SDCCAG8: variants seen among roughly 807,000 people sequenced by gnomAD.
SDCCAG8 encodes SHH signaling and ciliogenesis regulator SDCCAG8, also known as serologically defined colon cancer antigen 8.
SDCCAG8 carries 74 observed loss-of-function variants against 101.8 expected under a neutral mutation model. The ratio of observed to expected loss-of-function variants is 0.73; its 90% CI spans 0.60 to 0.88. The LOEUF is 0.88. Ranked by LOEUF, SDCCAG8 falls within the 40% of genes least tolerant of loss-of-function variation. The probability of loss-of-function intolerance (pLI) is 0.00; values close to 1 mark genes in which losing one functional copy is unlikely to be tolerated. For synonymous variants in SDCCAG8, 281 were observed against 292.9 expected (o/e 0.96, Z 0.41); for missense variants, 787 against 822.6 (o/e 0.96, Z 0.53).
intron 2 of SDCCAG8, 25 bp downstream of exon 2, chr1:243,270,282 C>A: frequency 6.2e-7 from 1 of 1,606,230 alleles, no homozygotes; most frequent in African/African-American, 1.3e-5. Flanking sequence ...CAATCCTAGT[C>A]TGAATGATGC....
chr1:243,474,143 A>C lies in SDCCAG8; in HGVS notation c.1986-14871A>C, dbSNP rs1661858215. Among the ~76,000 whole-genome samples, 1 of 152,300 alleles carries C rather than the reference A, an allele frequency of 6.6e-6. No homozygotes were observed. The highest frequency in any genetic ancestry group is 2.1e-4 in the South Asian group (1 of 4,828). ...TGATTCATTGGTTTACAAATAAGGA[A>C]TTAAAAGGTAAGAAAAGCAAATGCA... is the stretch of plus-strand genomic sequence containing the variant. On this transcript the variant is annotated intron_variant, in intron 16 of 17. Transcript: ENST00000366541. This position sits in a 1 kb window ranked among gnomAD's most constrained non-coding sequence, Gnocchi z 4.7.
At chr1:243,447,737 G>A (rs1414064694) in intron 16 of SDCCAG8, among the ~76,000 whole-genome samples, 1 of 152,136 alleles carries the variant, frequency 6.6e-6, no homozygotes, top group East Asian at 1.9e-4. Flanking sequence ...TAAAAGCATT[G>A]ATAAGTCTTC....
chr1:243,475,519 A>T (rs1403677461), intron 16 of SDCCAG8, among the ~76,000 whole-genome samples: 2 of 152,098 alleles, frequency 1.3e-5, no homozygotes, highest in Non-Finnish European at 2.9e-5. Flanking sequence ...CATAAGCAAC[A>T]CTGACCCAGT....
chr1:243,278,455 G>A (rs1179922715), intron 4 of SDCCAG8, among the ~76,000 whole-genome samples: 3 of 152,132 alleles, frequency 2.0e-5, no homozygotes, highest in African/African-American at 7.2e-5. Context: ...TCCTGAACTC[G>A]TGATCCACCC....
chr1:243,292,977 A>G (rs2070421319), intron 5 of SDCCAG8, 114 bp from the exon 6 acceptor site: 3 of 1,220,786 alleles, frequency 2.5e-6, no homozygotes, highest in Middle Eastern at 2.0e-4. Context: ...CCTGTAGTGT[A>G]GAAGCATATG....
intron 12 of SDCCAG8, among the ~76,000 whole-genome samples, chr1:243,361,033 T>G (rs1005481156): frequency 6.6e-6 from 1 of 152,152 alleles, no homozygotes; most frequent in African/African-American, 2.4e-5. Flanking sequence ...TCATTTTCGT[T>G]TGGGCCTGTT....
intron 9 of SDCCAG8, among the ~76,000 whole-genome samples, chr1:243,324,935 G>GAAAA (rs1478115983): frequency 6.6e-6 from 1 of 152,162 alleles, no homozygotes; most frequent in East Asian, 1.9e-4. Flanking sequence ...TTTCTGCCTT[G>GAAAA]TAATAATCTA....
At chr1:243,372,124 A>G (rs1279141802) in intron 12 of SDCCAG8, among the ~76,000 whole-genome samples, 1 of 152,114 alleles carries the variant, frequency 6.6e-6, no homozygotes, top group Admixed American at 6.6e-5. Context: ...GATAGATTAT[A>G]TGTTTCAATT....
At chr1:243,444,051 C>A (rs939859507) in intron 16 of SDCCAG8, among the ~76,000 whole-genome samples, 5 of 152,128 alleles carry the variant, frequency 3.3e-5, no homozygotes, top group African/African-American at 4.8e-5. Flanking sequence ...ATTCTTCCCA[C>A]TGACAAATGA....
chr1:243,299,704 G>A (rs1213844504), intron 6 of SDCCAG8, among the ~76,000 whole-genome samples: 4 of 152,070 alleles, frequency 2.6e-5, no homozygotes, highest in South Asian at 2.1e-4. Context: ...ATGAGCCACC[G>A]TGCCTGGCCA....
chr1:243,322,427 A>G (rs1362019349), intron 9 of SDCCAG8, among the ~76,000 whole-genome samples: 2 of 152,114 alleles, frequency 1.3e-5, no homozygotes, highest in Non-Finnish European at 2.9e-5. Flanking sequence ...AAAATAAAGT[A>G]AAAACAATTA....
intron 10 of SDCCAG8, 63 bp downstream of exon 10, chr1:243,330,755 G>A: frequency 6.6e-7 from 1 of 1,524,736 alleles, no homozygotes; most frequent in Non-Finnish European, 9.1e-7. Context: ...TGCCATTGAT[G>A]ATTCCATAGG....
At chr1:243,456,897 C>G (rs1014813810) in intron 16 of SDCCAG8, among the ~76,000 whole-genome samples, 16 of 152,162 alleles carry the variant, frequency 1.1e-4, no homozygotes, top group African/African-American at 3.6e-4. Context: ...ATACAGGCAT[C>G]ACACTTTTAA....
chr1:243,422,722 T>C (rs926452371), intron 15 of SDCCAG8, among the ~76,000 whole-genome samples: 1 of 152,180 alleles, frequency 6.6e-6, no homozygotes, highest in Non-Finnish European at 1.5e-5. Flanking sequence ...TTACCAAAAG[T>C]CAAACTAGAA....
chr1:243,469,608 C>T (rs1294515109), intron 16 of SDCCAG8, among the ~76,000 whole-genome samples: 2 of 152,130 alleles, frequency 1.3e-5, no homozygotes, highest in Admixed American at 6.5e-5. Context: ...ACTGAATTTA[C>T]AATTTGATGC....
intron 10 of SDCCAG8, among the ~76,000 whole-genome samples, chr1:243,334,660 C>G (rs1410094536): frequency 1.3e-5 from 2 of 152,216 alleles, no homozygotes; most frequent in East Asian, 1.9e-4. Flanking sequence ...GGGGTGTTCA[C>G]AGCTCACTTA....
chr1:243,262,738 C>T (rs1474338318), intron 1 of SDCCAG8, among the ~76,000 whole-genome samples: 1 of 152,132 alleles, frequency 6.6e-6, no homozygotes, highest in African/African-American at 2.4e-5. Context: ...ATGGTCTGAT[C>T]ACATTGCCAG....
At chr1:243,260,724 G>A (rs1411581377) in intron 1 of SDCCAG8, among the ~76,000 whole-genome samples, 1 of 152,158 alleles carries the variant, frequency 6.6e-6, no homozygotes, top group Non-Finnish European at 1.5e-5. Context: ...GGTTGGGTGA[G>A]TATAAGGAAA....
Position 243,388,698 on chromosome 1 carries a change from CAA to C in SDCCAG8, c.1616+9852_1616+9853del, listed in dbSNP as rs11296139. Among the ~76,000 whole-genome samples, 610 of 134,288 alleles carry C rather than the reference CAA, an allele frequency of 4.5e-3. 1 individual carries two copies. Among genetic ancestry groups the C allele is most frequent in the African/African-American group, 9.3e-3 (333 of 35,980 alleles). The allele number at this position is 134,288 out of a possible 152,430, so 88.1% of individuals were successfully genotyped here. A position where few individuals can be genotyped will look rare whatever the true frequency, so the allele number is the denominator to read the frequency against. On this transcript the variant is annotated intron_variant, in intron 13 of 17. Coordinates refer to ENST00000366541, the MANE Select transcript of SDCCAG8 (RefSeq NM_006642.5). ...CAACATAATGAGACCCCAGCTCTAC[CAA>C]AAAAAAAAAAAAAAAATTAAAAAAT...
Sources: allele counts gnomAD v4.1 joint callset (sites outside exome capture counted in the v4.1 genomes callset), GRCh38; gene constraint gnomAD v4.1.1; non-coding constraint Gnocchi (gnomAD v3.1); transcripts MANE v1.5; gene names NCBI Gene and HGNC (gene_info 2026-07-23, HGNC 2026-07-21).